Variants in SSBP3 observed in about 807,000 individuals in gnomAD.
SSBP3 encodes single-stranded DNA-binding protein 3.
In SSBP3, 5 loss-of-function variants were observed where a neutral mutation model predicts 69.6. The observed-to-expected ratio is 0.07, with a 90% confidence interval of 0.04 to 0.15. SSBP3 has a LOEUF of 0.15. SSBP3 is among the 10% of genes least tolerant of loss of function. The pLI is 1.00. For synonymous variants in SSBP3, 196 were observed against 193.4 expected (o/e 1.01, Z -0.11); for missense variants, 312 against 534.0 (o/e 0.58, Z 4.10).
intron 15 of SSBP3, 26 bp from the exon 16 acceptor site, chr1:54,228,503 A>G (rs1348969219): frequency 1.5e-5 from 24 of 1,613,986 alleles, no homozygotes; most frequent in Non-Finnish European, 1.9e-5. Flanking sequence ...AATCCAATTC[A>G]GTTTCTTGCT....
intron 4 of SSBP3, among the ~76,000 whole-genome samples, chr1:54,359,777 G>T (rs1221485026): frequency 6.6e-6 from 1 of 152,118 alleles, no homozygotes; most frequent in Non-Finnish European, 1.5e-5. Flanking sequence ...AATGGAGCAG[G>T]TGAGCATTCA....
At chr1:54,252,259 T>G (rs1186328424) in intron 7 of SSBP3, among the ~76,000 whole-genome samples, 1 of 152,234 alleles carries the variant, frequency 6.6e-6, no homozygotes. Flanking sequence ...AACCCCATCT[T>G]GCCTTTGTCT....
intron 4 of SSBP3, among the ~76,000 whole-genome samples, chr1:54,285,892 G>A (rs1281881583): frequency 6.6e-6 from 1 of 152,170 alleles, no homozygotes; most frequent in Non-Finnish European, 1.5e-5. Context: ...CCCACGGACA[G>A]GCCCCTTTCT....
intron 6 of SSBP3, 50 bp from the exon 7 acceptor site, chr1:54,257,236 G>A: frequency 6.7e-7 from 1 of 1,497,672 alleles, no homozygotes; most frequent in Non-Finnish European, 9.0e-7. Flanking sequence ...ACTGCACAGT[G>A]ACAAACACAA....
chr1:54,271,693 C>G (rs1014838596), intron 5 of SSBP3, among the ~76,000 whole-genome samples: 1 of 152,204 alleles, frequency 6.6e-6, no homozygotes, highest in Non-Finnish European at 1.5e-5. Flanking sequence ...GCCCCTCTAC[C>G]CCACCATGTC....
chr1:54,359,905 G>A (rs934145501), intron 4 of SSBP3, among the ~76,000 whole-genome samples: 3 of 151,748 alleles, frequency 2.0e-5, no homozygotes, highest in African/African-American at 7.3e-5. Context: ...TTGAAGAAAT[G>A]TTCAGATCAT....
chr1:54,269,927 G>C (rs1441939852), intron 5 of SSBP3, among the ~76,000 whole-genome samples: 1 of 152,222 alleles, frequency 6.6e-6, no homozygotes, highest in East Asian at 1.9e-4. Flanking sequence ...CCTAGCCTAG[G>C]TCTGCCCTGT....
upstream of SSBP3, among the ~76,000 whole-genome samples, chr1:54,407,333 G>C (rs1336604812): frequency 6.6e-6 from 1 of 152,146 alleles, no homozygotes; most frequent in Non-Finnish European, 1.5e-5. Flanking sequence ...GCTCGCCACA[G>C]AAATCTGCAA....
At chr1:54,249,057 G>A (rs1374975521) in intron 9 of SSBP3, among the ~76,000 whole-genome samples, 2 of 152,090 alleles carry the variant, frequency 1.3e-5, no homozygotes, top group East Asian at 1.9e-4. Flanking sequence ...GGCCTCAGCC[G>A]CTGGGACCCT....
intron 4 of SSBP3, among the ~76,000 whole-genome samples, chr1:54,401,098 GATC>G (rs1248707661): frequency 2.0e-5 from 3 of 152,168 alleles, no homozygotes; most frequent in Admixed American, 6.6e-5. Flanking sequence ...CATTTCATCA[GATC>G]ATCAAGTGTG....
intron 4 of SSBP3, chr1:54,356,647 CCG>C (rs1264079629): frequency 6.6e-6 from 1 of 152,246 alleles, no homozygotes; most frequent in Non-Finnish European, 1.5e-5. Context: ...AAGCCCCCCA[CCG>C]CCTCGCAGCC....
At chr1:54,298,995 T>C (rs777984860) in intron 4 of SSBP3, among the ~76,000 whole-genome samples, 1 of 139,470 alleles carries the variant, frequency 7.2e-6, no homozygotes, top group Non-Finnish European at 1.6e-5. Context: ...GAGCTGAGGA[T>C]AGGCATGGAG....
intron 4 of SSBP3, among the ~76,000 whole-genome samples, chr1:54,351,450 C>T (rs1432461710): frequency 1.8e-4 from 28 of 152,198 alleles, no homozygotes; most frequent in Non-Finnish European, 1.5e-5. Context: ...GCTGACCCAC[C>T]ATATCAGTGA....
At chr1:54,396,154 G>T (rs213479) in intron 4 of SSBP3, among the ~76,000 whole-genome samples, 84,566 of 144,192 alleles carry the variant, frequency 0.59, 26,388 homozygotes, top group African/African-American at 0.81. Context: ...ATCGCGCCAT[G>T]GCACTCCAGC....
intron 4 of SSBP3, among the ~76,000 whole-genome samples, chr1:54,331,597 T>C (rs894055561): frequency 6.6e-6 from 1 of 152,210 alleles, no homozygotes; most frequent in Admixed American, 6.5e-5. Flanking sequence ...TCCTCTTACG[T>C]GACACAGGAT....
At chr1:54,286,173 G>T (rs1441530227) in intron 4 of SSBP3, among the ~76,000 whole-genome samples, 1 of 152,030 alleles carries the variant, frequency 6.6e-6, no homozygotes, top group African/African-American at 2.4e-5. Context: ...AACAGTGGGT[G>T]ACATTGGGTT....
chr1:54,404,447 G>A, intron 3 of SSBP3, 129 bp downstream of exon 3: 1 of 1,099,016 alleles, frequency 9.1e-7, no homozygotes, highest in Non-Finnish European at 1.3e-6. Context: ...GTGCCTCGAG[G>A]TGCCCCGCTC....
chr1:54,351,909 A>G (rs569530192), intron 4 of SSBP3, among the ~76,000 whole-genome samples: 1 of 152,288 alleles, frequency 6.6e-6, no homozygotes, highest in Non-Finnish European at 1.5e-5. Flanking sequence ...CTGTATGTTT[A>G]TTCTCCAGAA....
At chr1:54,293,708 T>C (rs1645648426) in intron 4 of SSBP3, among the ~76,000 whole-genome samples, 3 of 152,234 alleles carry the variant, frequency 2.0e-5, no homozygotes, top group Non-Finnish European at 4.4e-5. Context: ...AGCACAGTGT[T>C]TGTCACACCT....
Sources: allele counts gnomAD v4.1 joint callset (sites outside exome capture counted in the v4.1 genomes callset), GRCh38; gene constraint gnomAD v4.1.1; transcripts MANE v1.5; gene names NCBI Gene and HGNC (gene_info 2026-07-23, HGNC 2026-07-21).